PLCB1: variants seen among roughly 807,000 people sequenced by gnomAD.
The protein encoded by PLCB1 is phospholipase C beta 1.
A neutral mutation model predicts 161.8 loss-of-function variants in PLCB1; 46 were observed. The ratio of observed to expected loss-of-function variants is 0.28; its 90% confidence interval spans 0.22 to 0.36. The LOEUF (loss-of-function observed/expected upper bound fraction) is 0.36. Among genes scored for constraint, PLCB1 ranks in the 10% least tolerant of loss-of-function variants. PLCB1 has a pLI of 1.00. For missense variants in PLCB1, 1,016 were observed against 1,472.5 expected (o/e 0.69, Z 5.07); for synonymous variants, 517 against 503.7 (o/e 1.03, Z -0.35).
At chr20:8,798,473 C>A (rs1398322797) in intron 31 of PLCB1, among the ~76,000 whole-genome samples, 1 of 152,044 alleles carries the variant, frequency 6.6e-6, no homozygotes, top group Non-Finnish European at 1.5e-5. Context: ...AATGATGGAC[C>A]CTAGCAGGCA....
chr20:8,719,952 A>G (rs1169429385), intron 14 of PLCB1, among the ~76,000 whole-genome samples: 1 of 152,150 alleles, frequency 6.6e-6, no homozygotes, highest in East Asian at 1.9e-4. Flanking sequence ...AATCTTTATC[A>G]ACAGACGTTA....
chr20:8,766,595 A>G (rs909895), intron 26 of PLCB1, among the ~76,000 whole-genome samples: 99,529 of 152,096 alleles, frequency 0.65, 32,772 homozygotes, highest in East Asian at 0.84. Flanking sequence ...CTTTAGAGCT[A>G]GAGCAAGCAA....
intron 3 of PLCB1, among the ~76,000 whole-genome samples, chr20:8,541,864 C>T (rs1985346668): frequency 6.6e-6 from 1 of 152,150 alleles, no homozygotes; most frequent in South Asian, 2.1e-4. Flanking sequence ...AAACTTCCCT[C>T]CCTTTTGCAT....
chr20:8,560,174 C>T (rs1318296166), intron 3 of PLCB1, among the ~76,000 whole-genome samples: 1 of 152,016 alleles, frequency 6.6e-6, no homozygotes, highest in Non-Finnish European at 1.5e-5. Context: ...GCCCTAAGAC[C>T]TGCATTTCTA....
At chr20:8,740,923 G>T (rs567141209) in intron 22 of PLCB1, among the ~76,000 whole-genome samples, 1 of 152,302 alleles carries the variant, frequency 6.6e-6, no homozygotes, top group Non-Finnish European at 1.5e-5. Context: ...GTAAGCTTGG[G>T]GCTGTCCATC....
chr20:8,843,617 T>C (rs1405706439), intron 31 of PLCB1, among the ~76,000 whole-genome samples: 4 of 151,928 alleles, frequency 2.6e-5, no homozygotes, highest in Admixed American at 2.6e-4. Context: ...AATGAATGTA[T>C]AATATATATA....
chr20:8,242,244 A>T (rs1331362245), intron 2 of PLCB1, among the ~76,000 whole-genome samples: 1 of 151,914 alleles, frequency 6.6e-6, no homozygotes, highest in African/African-American at 2.4e-5. Flanking sequence ...TGCAGCAAAG[A>T]TTCCAGCTAC....
At chr20:8,543,354 T>C (rs1985407363) in intron 3 of PLCB1, among the ~76,000 whole-genome samples, 1 of 152,036 alleles carries the variant, frequency 6.6e-6, no homozygotes, top group Admixed American at 6.6e-5. Flanking sequence ...GGAGAGGATT[T>C]TGAGACAAGG....
At chr20:8,839,752 A>AAAAAC (rs368082373) in intron 31 of PLCB1, among the ~76,000 whole-genome samples, 2 of 148,382 alleles carry the variant, frequency 1.3e-5, no homozygotes, top group Non-Finnish European at 1.5e-5. Flanking sequence ...AAAAAAAAAA[A>AAAAAC]GCCTTGGCCA....
chr20:8,341,517 T>C (rs1453186949), intron 2 of PLCB1, among the ~76,000 whole-genome samples: 1 of 152,190 alleles, frequency 6.6e-6, no homozygotes, highest in East Asian at 1.9e-4. Context: ...CTGTTTTTTC[T>C]TCCTGGATTC....
At chr20:8,684,552 A>T (rs969321695) in intron 9 of PLCB1, among the ~76,000 whole-genome samples, 1 of 152,112 alleles carries the variant, frequency 6.6e-6, no homozygotes, top group Non-Finnish European at 1.5e-5. Flanking sequence ...CATAATTTTG[A>T]TTATAAAGTA....
At chr20:8,875,061 C>T (rs1020008569) in intron 31 of PLCB1, among the ~76,000 whole-genome samples, 2 of 151,632 alleles carry the variant, frequency 1.3e-5, no homozygotes, top group Admixed American at 6.6e-5. Context: ...TATTGCATTT[C>T]TCTAATTGTT....
At chr20:8,357,241 G>A (rs1467852782) in intron 2 of PLCB1, among the ~76,000 whole-genome samples, 1 of 152,170 alleles carries the variant, frequency 6.6e-6, no homozygotes, top group Admixed American at 6.5e-5. Flanking sequence ...ACAAATTGTG[G>A]AATGAATGAA....
In PLCB1 at chr20:8,865,353, G is replaced by T. The variant is rs143294402; in HGVS notation, c.3424-16269G>T. On this transcript the variant is annotated intron_variant, in intron 31 of 31. Coordinates refer to ENST00000338037, the MANE Select transcript of PLCB1 (RefSeq NM_015192.4). ...AAAAAGGCCCCCAGAAATTTAAGAG[G>T]CCATCCTTATGGCATAAACATTGGC... Among the ~76,000 whole-genome samples the T allele has an allele frequency of 3.4e-3, 520 of 152,148 alleles. 6 individuals carry two copies. Among genetic ancestry groups the T allele is most frequent in the African/African-American group, 0.012 (483 of 41,516 alleles).
intron 9 of PLCB1, among the ~76,000 whole-genome samples, chr20:8,668,931 C>T (rs1166667057): frequency 6.6e-6 from 1 of 152,212 alleles, no homozygotes; most frequent in East Asian, 1.9e-4. Flanking sequence ...GTACCTGATG[C>T]TTATTGAACG....
intron 3 of PLCB1, among the ~76,000 whole-genome samples, chr20:8,516,664 C>CATATATATATATATATAT (rs57237224): frequency 1.4e-5 from 1 of 72,230 alleles, no homozygotes; most frequent in Non-Finnish European, 2.8e-5. Context: ...AATATAACAT[C>CATATATATATATATATAT]ATATATATAT....
chr20:8,452,431 T>A (rs1981113762), intron 3 of PLCB1, among the ~76,000 whole-genome samples: 1 of 152,202 alleles, frequency 6.6e-6, no homozygotes, highest in African/African-American at 2.4e-5. Flanking sequence ...CTGCCATTAG[T>A]TAATTGTCAT....
chr20:8,521,325 GAA>G (rs11296333), intron 3 of PLCB1, among the ~76,000 whole-genome samples: 69 of 148,154 alleles, frequency 4.7e-4, no homozygotes, highest in Middle Eastern at 3.5e-3. Flanking sequence ...TTATAAAAGG[GAA>G]AAAAAAAAAA....
chr20:8,455,141 C>T (rs1981243282), intron 3 of PLCB1, among the ~76,000 whole-genome samples: 2 of 151,718 alleles, frequency 1.3e-5, no homozygotes, highest in African/African-American at 4.8e-5. Flanking sequence ...CAAGCCTGAC[C>T]AACATGGAGG....
Sources: allele counts gnomAD v4.1 joint callset (sites outside exome capture counted in the v4.1 genomes callset), GRCh38; gene constraint gnomAD v4.1.1; transcripts MANE v1.5; gene names NCBI Gene and HGNC (gene_info 2026-07-23, HGNC 2026-07-21).